The following CLCN6 variants were observed in gnomAD, a reference collection of about 807,000 sequenced individuals.
CLCN6 encodes Cl-/H+ antiporter 6.
Under a neutral mutation model 109.8 loss-of-function variants are expected in CLCN6, and 70 were observed. That is an observed-to-expected ratio of 0.64 (90% confidence interval 0.53 to 0.78). The LOEUF is 0.78. CLCN6 is among the 30% of genes least tolerant of loss of function. The probability of loss-of-function intolerance (pLI) is 0.00; values close to 1 mark genes in which losing one functional copy is unlikely to be tolerated. For synonymous variants in CLCN6, 444 were observed against 447.8 expected (o/e 0.99, Z 0.11); for missense variants, 984 against 1,142.3 (o/e 0.86, Z 2.00).
rs1317766513 is a variant in CLCN6 at position 11,841,277 on chromosome 1, C to G, written c.*1054C>G. The G allele has an allele frequency of 6.5e-6, 1 of 152,684 alleles. No individual in the cohort carries two copies. The highest frequency in any genetic ancestry group is 1.5e-5 in the Non-Finnish European group (1 of 68,056). The allele number at this position is 152,684 out of a possible 1,614,324, so 9.5% of individuals were successfully genotyped here. On this transcript the variant is annotated 3_prime_UTR_variant, in exon 23 of 23. Transcript: ENST00000346436. ...GTCTGCCCTTCACAAACACCTCTCT[C>G]TCCCCTGCACTAGCTGTCCCAAGCT...
Position 11,815,929 on chromosome 1 carries a change from T to A in CLCN6, c.213+18T>A, listed in dbSNP as rs1336994987. The A allele has an allele frequency of 6.3e-7, 1 of 1,584,838 alleles. No homozygotes were observed. The highest frequency in any genetic ancestry group is 8.7e-7 in the Non-Finnish European group (1 of 1,153,202). On this transcript the variant is annotated intron_variant, in intron 3 of 22. Coordinates refer to ENST00000346436, the MANE Select transcript of CLCN6 (RefSeq NM_001286.5). The stretch of plus-strand genomic sequence containing the variant: ...ATAATAAGGTGGGTCTTACAATTCT[T>A]CATCTCTGGGGATCAAATCAGTCTT...
At position 11,840,383 on chromosome 1, in the gene CLCN6, T is replaced by C. The variant is rs1456940973; in HGVS notation, c.*160T>C. ...CGGACACCTTGCTGGTCAGAGGTCC[T>C]GGGGGTGGTTTTGAACCATCAGAGC... On this transcript the variant is annotated 3_prime_UTR_variant, in exon 23 of 23. Coordinates refer to ENST00000346436, the MANE Select transcript of CLCN6 (RefSeq NM_001286.5). 2.9e-6 allele frequency: 2 copies of C among 679,878 alleles called. No homozygotes were observed. The highest frequency in any genetic ancestry group is 5.2e-6 in the Non-Finnish European group (2 of 381,778). 42.1% of individuals were successfully genotyped at this position (679,878 alleles called of 1,614,324 possible). A position where few individuals can be genotyped will look rare whatever the true frequency, so the allele number is the denominator to read the frequency against.
chr1:11,827,963 A>G (rs759613156), intron 10 of CLCN6, 143 bp from the exon 11 acceptor site: 58 of 698,438 alleles, frequency 8.3e-5, no homozygotes, highest in Non-Finnish European at 1.4e-4. Context: ...GGGTGTATCT[A>G]CTGTAAGGGT....
Position 11,826,229 on chromosome 1 carries a change from G to C in CLCN6, c.707+15G>C. The C allele has an allele frequency of 6.2e-7, 1 of 1,610,076 alleles. No individual in the cohort carries two copies. Among genetic ancestry groups the C allele is most frequent in the African/African-American group, 1.3e-5 (1 of 74,962 alleles). On this transcript the variant is annotated intron_variant, in intron 9 of 22. Transcript: ENST00000346436. ...CGAAGCGACAGGTATGGAAAGGTTA[G>C]AAATTGGTTTCTTTTTTGGAAACAA...
At chr1:11,824,896 T>C (rs1644792558) in intron 8 of CLCN6, among the ~76,000 whole-genome samples, 1 of 152,166 alleles carries the variant, frequency 6.6e-6, no homozygotes, top group Non-Finnish European at 1.5e-5. Context: ...GCTCGAAGCA[T>C]CGACTGACAT....
chr1:11,838,678 C>T lies in CLCN6; in HGVS notation c.2529+18C>T, dbSNP rs1286435389. On this transcript the variant is annotated intron_variant, in intron 22 of 22. Transcript: ENST00000346436. ...TGGGAGAGGTGAGCGAGGCCCCGGCCCTGCCCCCACCTTTGAGAGAGGATC... is the reference window on the plus strand; with the variant it reads ...TGGGAGAGGTGAGCGAGGCCCCGGCTCTGCCCCCACCTTTGAGAGAGGATC... The T allele has an allele frequency of 6.2e-7, 1 of 1,614,146 alleles. No individual in the cohort carries two copies. Among genetic ancestry groups the T allele is most frequent in the Non-Finnish European group, 8.5e-7 (1 of 1,180,054 alleles).
At chr1:11,823,477 CAAAAAAAA>C (rs35345671) in intron 6 of CLCN6, among the ~76,000 whole-genome samples, 1 of 142,708 alleles carries the variant, frequency 7.0e-6, no homozygotes, top group East Asian at 2.0e-4. Context: ...AACTCTACCT[CAAAAAAAA>C]AAAAGAAAAA....
chr1:11,830,636 TTC>T (rs1180606613), intron 13 of CLCN6, among the ~76,000 whole-genome samples: 134 of 151,218 alleles, frequency 8.9e-4, no homozygotes, highest in Non-Finnish European at 1.7e-3. Context: ...ACTGTACTCT[TTC>T]CTTGTTGCTT....
At chr1:11,811,497 C>T (rs1286529845) in intron 2 of CLCN6, among the ~76,000 whole-genome samples, 1 of 152,016 alleles carries the variant, frequency 6.6e-6, no homozygotes, top group East Asian at 1.9e-4. Context: ...ATTCTCCTGC[C>T]TCAGCCTCCC....
intron 18 of CLCN6, 39 bp downstream of exon 18, chr1:11,836,192 C>T (rs967683240): frequency 3.0e-5 from 47 of 1,577,384 alleles, no homozygotes; most frequent in Non-Finnish European, 3.9e-5. Context: ...AGGTGAGAGA[C>T]AAGCGGTCCC....
chr1:11,836,255 C>A, intron 18 of CLCN6, 102 bp downstream of exon 18: 1 of 1,078,782 alleles, frequency 9.3e-7, no homozygotes, highest in Non-Finnish European at 1.3e-6. Context: ...GACTTACCGG[C>A]TCTCAGGGGA....
rs776142542 is a variant in CLCN6, at chr1:11,834,445, C to T, written c.1687-39C>T. On this transcript the variant is annotated intron_variant, in intron 16 of 22. Coordinates refer to ENST00000346436, the MANE Select transcript of CLCN6 (RefSeq NM_001286.5). The surrounding 1 kb of genome is among the most constrained non-coding windows in gnomAD (Gnocchi z 4.5). ...TGTCAGGCTCAGGGCCACGTCCGCC[C>T]CACAGGACCTATTTTTAGGTCTTTG... The T allele has an allele frequency of 6.2e-7, 1 of 1,613,492 alleles. No individual in the cohort carries two copies. Among genetic ancestry groups the T allele is most frequent in the South Asian group, 1.1e-5 (1 of 91,044 alleles).
Position 11,837,485 on chromosome 1 carries a change from T to C in CLCN6, c.2281T>C (p.Ser761Pro). 1 of 1,613,542 alleles carries C rather than the reference T, an allele frequency of 6.2e-7. No individual in the cohort carries two copies. The highest frequency in any genetic ancestry group is 8.5e-7 in the Non-Finnish European group (1 of 1,179,534). Reference sequence around the variant, plus strand: ...CCTGCTTGTCCGAGGAGTTTGTTACTCTGAAAGCCAGTCGGTAAGTCTCTC... The same window carrying C: ...CCTGCTTGTCCGAGGAGTTTGTTACCCTGAAAGCCAGTCGGTAAGTCTCTC... ...VTLLVRGVCY[S>P]ESQSSASQPR... is the part of the protein sequence containing the mutation. Residue 761 changes from serine (S) to proline (P), a missense_variant, in exon 20 of 23, where the codon TCT (serine) becomes CCT (proline). Transcript: ENST00000346436.
chr1:11,816,708 T>C, intron 4 of CLCN6, 28 bp downstream of exon 4: 1 of 1,595,802 alleles, frequency 6.3e-7, no homozygotes, highest in Non-Finnish European at 8.6e-7. Context: ...GGAGGGATGG[T>C]GGGCCATAGG....
At chr1:11,828,744 T>A in intron 12 of CLCN6, 120 bp downstream of exon 12, 1 of 1,100,290 alleles carries the variant, frequency 9.1e-7, no homozygotes, top group Non-Finnish European at 1.3e-6. Context: ...CATCTAAGAC[T>A]GAGAATCTAA....
Position 11,815,952 on chromosome 1 carries a change from C to G in CLCN6, c.213+41C>G, listed in dbSNP as rs986149108. 4 of 1,468,532 alleles carry G rather than the reference C, an allele frequency of 2.7e-6. No individual in the cohort carries two copies. The African/African-American group carries it at 5.6e-5, about 21-fold the overall frequency. The allele number at this position is 1,468,532 out of a possible 1,614,324, so 91.0% of individuals were successfully genotyped here. On this transcript the variant is annotated intron_variant, in intron 3 of 22. Coordinates refer to ENST00000346436, the MANE Select transcript of CLCN6 (RefSeq NM_001286.5). ...CTTCATCTCTGGGGATCAAATCAGT[C>G]TTAACATGGCATTTTTTTTCTCTTC...
rs751021591 is a variant in CLCN6, at chr1:11,828,094, C to A, written c.841-12C>A. 1.1e-4 allele frequency: 169 copies of A among 1,601,280 alleles called. No homozygotes were observed. The highest frequency in any genetic ancestry group is 1.4e-4 in the Non-Finnish European group (164 of 1,168,530). On this transcript the variant is annotated splice_polypyrimidine_tract_variant and intron_variant, in intron 10 of 22. Transcript: ENST00000346436. ...TCCTGAACCTTCTTGTCTTTTGTCA[C>A]CTCTCCCCTAGCTCTTTTGTTCCAT...
At chr1:11,829,442 T>C (rs1304702350) in intron 13 of CLCN6, 120 bp downstream of exon 13, 11 of 1,163,066 alleles carry the variant, frequency 9.5e-6, no homozygotes, top group Non-Finnish European at 1.4e-5. Context: ...ACCCATTACC[T>C]GAGCGTTGAG....
chr1:11,817,564 G>C (rs1448667061), intron 4 of CLCN6, among the ~76,000 whole-genome samples: 1 of 152,172 alleles, frequency 6.6e-6, no homozygotes, highest in African/African-American at 2.4e-5. Flanking sequence ...AACCAAAACT[G>C]CCGACTTCAC....
Sources: allele counts gnomAD v4.1 joint callset (sites outside exome capture counted in the v4.1 genomes callset), GRCh38; gene constraint gnomAD v4.1.1; non-coding constraint Gnocchi (gnomAD v3.1); transcripts MANE v1.5; gene names NCBI Gene and HGNC (gene_info 2026-07-23, HGNC 2026-07-21).